Variants in SIGLEC10 observed in about 807,000 individuals in gnomAD.
SIGLEC10 encodes sialic acid-binding Ig-like lectin 10.
In SIGLEC10, 45 loss-of-function variants were observed where a neutral mutation model predicts 68.3. The ratio of observed to expected loss-of-function variants is 0.66; its 90% confidence interval spans 0.52 to 0.84. SIGLEC10 has a LOEUF of 0.84. SIGLEC10 is among the 40% of genes least tolerant of loss of function. The pLI, the probability that SIGLEC10 is intolerant of heterozygous loss-of-function variation, is 0.00. For missense variants in SIGLEC10, 789 were observed against 883.1 expected (o/e 0.89, Z 1.35); for synonymous variants, 379 against 370.8 (o/e 1.02, Z -0.26).
chr19:51,416,739 G>T lies in SIGLEC10; in HGVS notation c.633C>A (p.Thr211=). 6.2e-7 allele frequency: 1 copy of T among 1,614,230 alleles called. No homozygotes were observed. Residue 211 remains threonine, a synonymous_variant, in exon 3 of 11, where the codon ACC becomes ACA. Transcript: ENST00000339313. ...SFTPRPQDHN[T]DLTCHVDFSR... ...AGAAGTCCACATGGCAGGTGAGGTC[G>T]GTGTTGTGGTCCTGGGGTCTGGGCG...
At chr19:51,416,189 AAAAG>A (rs780236342) in intron 4 of SIGLEC10, 22 bp from the exon 5 acceptor site, 4 of 1,604,002 alleles carry the variant, frequency 2.5e-6, no homozygotes, top group South Asian at 1.1e-5. Flanking sequence ...GGAAAAAAAA[AAAAG>A]AGAGAAAGGG....
Position 51,416,794 on chromosome 19 carries a change from G to A in SIGLEC10, c.578C>T (p.Thr193Met), listed in dbSNP as rs375483042. ...GCTGAGCACTGAGAAGTGGGAGGTC[G>A]TTGGTTTGGTTCCTTGGGAGGAGAG... ...AALSSQGTKP[T>M]TSHFSVLSFT... Residue 193 changes from threonine to methionine, a missense_variant, in exon 3 of 11, where the codon ACG (threonine) becomes ATG (methionine). Thr to Met is a moderately conservative substitution (Grantham distance 81). Coordinates refer to ENST00000339313, the MANE Select transcript of SIGLEC10 (RefSeq NM_033130.5). 2.4e-5 allele frequency: 38 copies of A among 1,613,968 alleles called. No homozygotes were observed. Among genetic ancestry groups the A allele is most frequent in the African/African-American group, 5.3e-5 (4 of 74,806 alleles).
chr19:51,412,267 G>A (rs536729722), intron 10 of SIGLEC10, among the ~76,000 whole-genome samples: 2 of 152,222 alleles, frequency 1.3e-5, no homozygotes, highest in East Asian at 3.9e-4. Context: ...TGCCCGGGGT[G>A]GGGTGGGGGG....
In SIGLEC10 at chr19:51,410,029, A is replaced by G. The variant is rs143860290; in HGVS notation, c.*1070T>C. On this transcript the variant is annotated 3_prime_UTR_variant, in exon 11 of 11. Coordinates refer to ENST00000339313, the MANE Select transcript of SIGLEC10 (RefSeq NM_033130.5). ...AATTCAAGACGAGGCGGTAAGGTGA[A>G]AGCAAGTTTATTAAGAAAGTAAAGG... is the stretch of plus-strand genomic sequence containing the variant. The G allele has an allele frequency of 6.6e-6, 1 of 152,326 alleles. No individual in the cohort carries two copies. Among genetic ancestry groups the G allele is most frequent in the East Asian group, 1.9e-4 (1 of 5,186 alleles). 9.4% of individuals were successfully genotyped at this position (152,326 alleles called of 1,614,324 possible).
At position 51,414,862 on chromosome 19, in the gene SIGLEC10, A is replaced by G. The variant is rs1988419920; in HGVS notation, c.1577T>C (p.Val526Ala). 6.2e-7 allele frequency: 1 copy of G among 1,613,882 alleles called. No individual in the cohort carries two copies. Among genetic ancestry groups the G allele is most frequent in the African/African-American group, 1.3e-5 (1 of 74,906 alleles). ...GATGGATCCACTCTGGGCCCCATGG[A>G]CGTTCCAGGCCTCACAGCGGAGCCT... ...GLRLRCEAWN[V>A]HGAQSGSILQ... Residue 526 changes from valine (V) to alanine (A), a missense_variant, in exon 8 of 11, where the codon GTC becomes GCC. Val to Ala is a moderately conservative substitution (Grantham distance 64, BLOSUM62 0). Coordinates refer to ENST00000339313, the MANE Select transcript of SIGLEC10 (RefSeq NM_033130.5). This position sits in a 1 kb window ranked among gnomAD's most constrained non-coding sequence, Gnocchi z 4.1.
chr19:51,416,314 C>T lies in SIGLEC10; in HGVS notation c.750G>A (p.Thr250=), dbSNP rs750694401. 32 of 1,614,078 alleles carry T rather than the reference C, an allele frequency of 2.0e-5. No individual in the cohort carries two copies. Among genetic ancestry groups the T allele is most frequent in the Non-Finnish European group, 2.5e-5 (30 of 1,180,004 alleles). ...CAGCCCGACGGCCCTCAGTACCTGG[C>T]GTGTTGTCACGTGAAATGCTGATAA... The part of the protein sequence containing the change: ...DLVISISRDN[T]PALEPQPQGN... The change falls in exon 4 of 11, where the codon ACG becomes ACA. Residue 250 remains threonine (T), a synonymous_variant. Transcript: ENST00000339313.
rs776884763 is a variant in SIGLEC10, at chr19:51,416,310, C to G, written c.754G>C (p.Ala252Pro). 6.2e-7 allele frequency: 1 copy of G among 1,614,148 alleles called. No individual in the cohort carries two copies. The highest frequency in any genetic ancestry group is 1.3e-5 in the African/African-American group (1 of 75,048). Residue 252 changes from alanine to proline, a missense_variant and splice_region_variant, in exon 4 of 11, where the codon GCC becomes CCC. Transcript: ENST00000339313. ...GCCCCAGCCCGACGGCCCTCAGTAC[C>G]TGGCGTGTTGTCACGTGAAATGCTG... ...VISISRDNTP[A>P]LEPQPQGNVP...
At chr19:51,412,925 A>G (rs1449523193) in intron 10 of SIGLEC10, among the ~76,000 whole-genome samples, 1 of 151,848 alleles carries the variant, frequency 6.6e-6, no homozygotes, top group Non-Finnish European at 1.5e-5. Context: ...GCACCACCAC[A>G]CCCGGCTAAT....
In SIGLEC10 at chr19:51,410,923, A is replaced by T; in HGVS notation, c.*176T>A. On this transcript the variant is annotated 3_prime_UTR_variant, in exon 11 of 11. Transcript: ENST00000339313. The stretch of plus-strand genomic sequence containing the variant: ...CTCAACCTCCCAAAGTGCTGGGATT[A>T]CAGGCGTGAGCCACTGTGCCCTGGC... The T allele has an allele frequency of 1.4e-6, 1 of 723,936 alleles. No individual in the cohort carries two copies. Among genetic ancestry groups the T allele is most frequent in the Non-Finnish European group, 2.2e-6 (1 of 458,192 alleles). The allele number at this position is 723,936 out of a possible 1,614,324, so 44.8% of individuals were successfully genotyped here.
Position 51,411,236 on chromosome 19 carries a change from T to C in SIGLEC10, c.1957A>G (p.Thr653Ala). 1.9e-6 allele frequency: 3 copies of C among 1,613,840 alleles called. No individual in the cohort carries two copies. Among genetic ancestry groups the C allele is most frequent in the Non-Finnish European group, 2.5e-6 (3 of 1,179,962 alleles). The change falls in exon 11 of 11, where the codon ACT becomes GCT. Residue 653 changes from threonine to alanine, a missense_variant. By Grantham distance (58) the Thr-to-Ala change is moderately conservative (BLOSUM62 0). Coordinates refer to ENST00000339313, the MANE Select transcript of SIGLEC10 (RefSeq NM_033130.5). ...LPSFPEPKSS[T>A]QAPESQESQE... is the part of the protein sequence containing the mutation. ...CTCTCCTGGGATTCTGGGGCTTGAG[T>C]GGATGATTTGGGTTCTGGGAAACTG...
In SIGLEC10 at chr19:51,417,404, C is replaced by T. The variant is rs756657822; in HGVS notation, c.99G>A (p.Glu33=). The T allele has an allele frequency of 6.2e-6, 10 of 1,614,100 alleles. No homozygotes were observed. The East Asian group carries it at 1.6e-4, about 25-fold the overall frequency. Residue 33 remains glutamate (E), a synonymous_variant, in exon 2 of 11, where the codon GAG becomes GAA. Coordinates refer to ENST00000339313, the MANE Select transcript of SIGLEC10 (RefSeq NM_033130.5). ...AGCAGGGCACAGAGATGCACAGGCC[C>T]TCCGGCACCATCACTGACTCCTGCA... ...IRVQESVMVP[E]GLCISVPCSF... is the part of the protein sequence containing the mutation.
chr19:51,410,170 C>G lies in SIGLEC10; in HGVS notation c.*929G>C, dbSNP rs1265504003. On this transcript the variant is annotated 3_prime_UTR_variant, in exon 11 of 11. Coordinates refer to ENST00000339313, the MANE Select transcript of SIGLEC10 (RefSeq NM_033130.5). ...AAGGGGTGGATTATTCATTCCTCCC[C>G]CTTTTGGGACATATCGGGTAACTTC... 6.6e-6 allele frequency: 1 copy of G among 152,168 alleles called. No homozygotes were observed. Among genetic ancestry groups the G allele is most frequent in the East Asian group, 1.9e-4 (1 of 5,202 alleles). 9.4% of individuals were successfully genotyped at this position (152,168 alleles called of 1,614,324 possible). A position where few individuals can be genotyped will look rare whatever the true frequency, so the allele number is the denominator to read the frequency against.
In SIGLEC10 at chr19:51,410,773, C is replaced by T; in HGVS notation, c.*326G>A. On this transcript the variant is annotated 3_prime_UTR_variant, in exon 11 of 11. Coordinates refer to ENST00000339313, the MANE Select transcript of SIGLEC10 (RefSeq NM_033130.5). The stretch of plus-strand genomic sequence containing the variant: ...AAGTGATTCTCCTGCCTCAGCTTCC[C>T]AAGTAGGTAGGATTACAGGCGCCTG... 4.8e-6 allele frequency: 1 copy of T among 206,616 alleles called. No homozygotes were observed. The highest frequency in any genetic ancestry group is 9.9e-6 in the Non-Finnish European group (1 of 100,558). 12.8% of individuals were successfully genotyped at this position (206,616 alleles called of 1,614,324 possible). A position where few individuals can be genotyped will look rare whatever the true frequency, so the allele number is the denominator to read the frequency against.
Position 51,415,071 on chromosome 19 carries a change from CTCCCAGGAGCAGGAGGGGCCCAGCAGCT to C in SIGLEC10, c.1340_1367del (p.Lys447ArgfsTer52). ...AGCAGCTGCAGTGCAGACCCTCAGC[CTCCCAGGAGCAGGAGGGGCCCAGCAGCT>C]TCGGGGAGTCTGAGGGGAGGGAGGA... is the stretch of plus-strand genomic sequence containing the variant. On this transcript the variant is annotated frameshift_variant, in exon 8 of 11. Coordinates refer to ENST00000339313, the MANE Select transcript of SIGLEC10 (RefSeq NM_033130.5). LOFTEE classifies it high-confidence loss of function. 1 of 1,584,680 alleles carries C rather than the reference CTCCCAGGAGCAGGAGGGGCCCAGCAGCT, an allele frequency of 6.3e-7. No individual in the cohort carries two copies.
chr19:51,414,210 T>G lies in SIGLEC10; in HGVS notation c.1709+212A>C. 1 of 590,306 alleles carries G rather than the reference T, an allele frequency of 1.7e-6. No individual in the cohort carries two copies. Among genetic ancestry groups the G allele is most frequent in the Non-Finnish European group, 3.0e-6 (1 of 331,460 alleles). The allele number at this position is 590,306 out of a possible 1,614,324, so 36.6% of individuals were successfully genotyped here. A position where few individuals can be genotyped will look rare whatever the true frequency, so the allele number is the denominator to read the frequency against. ...GCCTAATTACAAGAAACACTTCGCT[T>G]GGGGCGTGACTGCCCTCAGCATTCC... is the stretch of plus-strand genomic sequence containing the variant. On this transcript the variant is annotated intron_variant, in intron 9 of 10. Coordinates refer to ENST00000339313, the MANE Select transcript of SIGLEC10 (RefSeq NM_033130.5). This position sits in a 1 kb window ranked among gnomAD's most constrained non-coding sequence, Gnocchi z 4.1.
intron 10 of SIGLEC10, among the ~76,000 whole-genome samples, chr19:51,412,455 A>G (rs1988105359): frequency 6.6e-6 from 1 of 151,810 alleles, no homozygotes; most frequent in African/African-American, 2.4e-5. Context: ...AGATGGGGAT[A>G]GAGATGGAGC....
At position 51,410,660 on chromosome 19, in the gene SIGLEC10, T is replaced by A. The variant is rs1267384284; in HGVS notation, c.*439A>T. On this transcript the variant is annotated 3_prime_UTR_variant, in exon 11 of 11. Coordinates refer to ENST00000339313, the MANE Select transcript of SIGLEC10 (RefSeq NM_033130.5). ...GACACCCAACCCATTTGGAGGATTT[T>A]TTTTTTGAGATGGAGTCTCGCTTTG... The A allele has an allele frequency of 6.4e-6, 1 of 156,324 alleles. No individual in the cohort carries two copies. Among genetic ancestry groups the A allele is most frequent in the Non-Finnish European group, 1.4e-5 (1 of 71,032 alleles). 9.7% of individuals were successfully genotyped at this position (156,324 alleles called of 1,614,324 possible). A position where few individuals can be genotyped will look rare whatever the true frequency, so the allele number is the denominator to read the frequency against.
chr19:51,410,992 AAGAGAG>A lies in SIGLEC10; in HGVS notation c.*101_*106del, dbSNP rs200056653. The stretch of plus-strand genomic sequence containing the variant: ...AGAGAGAAAGAGAGAGAGAGAGAGA[AAGAGAG>A]AGAGAGAGGGAGAGAAGGAAACTTT... On this transcript the variant is annotated 3_prime_UTR_variant, in exon 11 of 11. Transcript: ENST00000339313. The A allele has an allele frequency of 2.9e-6, 3 of 1,040,606 alleles. No individual in the cohort carries two copies. Among genetic ancestry groups the A allele is most frequent in the Non-Finnish European group, 4.1e-6 (3 of 739,186 alleles). The allele number at this position is 1,040,606 out of a possible 1,614,324, so 64.5% of individuals were successfully genotyped here. A position where few individuals can be genotyped will look rare whatever the true frequency, so the allele number is the denominator to read the frequency against.
In SIGLEC10 at chr19:51,417,270, T is replaced by C. The variant is rs1988790459; in HGVS notation, c.233A>G (p.Gln78Arg). Reference protein sequence around the residue: ...TKGAPVATNHQSREVEMSTRG... With the variant: ...TKGAPVATNHRSREVEMSTRG... The stretch of plus-strand genomic sequence containing the variant: ...GGTGCTCATTTCCACCTCTCGACTC[T>C]GGTGGTTTGTGGCCACAGGAGCACC... The change falls in exon 2 of 11, where the codon CAG (glutamine) becomes CGG (arginine). Residue 78 changes from glutamine to arginine, a missense_variant. Coordinates refer to ENST00000339313, the MANE Select transcript of SIGLEC10 (RefSeq NM_033130.5). 2 of 1,614,224 alleles carry C rather than the reference T, an allele frequency of 1.2e-6. No homozygotes were observed.
Sources: gnomAD v4.1 joint callset for allele counts (sites outside exome capture counted in the v4.1 genomes callset) on GRCh38, gnomAD v4.1.1 for gene constraint, Gnocchi (gnomAD v3.1) non-coding constraint, MANE v1.5 for transcripts, NCBI Gene and HGNC (gene_info 2026-07-23, HGNC 2026-07-21) for gene names.